LY9: variants seen among roughly 807,000 people sequenced by gnomAD.
LY9 encodes the protein lymphocyte antigen 9.
LY9 carries 59 observed loss-of-function variants against 64.6 expected under a neutral mutation model. The ratio of observed to expected loss-of-function variants is 0.91; its 90% CI spans 0.74 to 1.13. The LOEUF (loss-of-function observed/expected upper bound fraction) is 1.13. LY9 is among the 50% of genes most tolerant of loss of function. LY9 has a pLI of 0.00. For missense variants in LY9, 789 were observed against 797.2 expected (o/e 0.99, Z 0.12); for synonymous variants, 281 against 308.5 (o/e 0.91, Z 0.93).
chr1:160,798,339 CT>C (rs1666099682), intron 1 of LY9, among the ~76,000 whole-genome samples: 1 of 152,290 alleles, frequency 6.6e-6, no homozygotes, highest in South Asian at 2.1e-4. Flanking sequence ...CTGATCAACC[CT>C]GTAATCTCAG....
intron 4 of LY9, chr1:160,815,213 G>A (rs1016048639): frequency 2.7e-4 from 43 of 161,130 alleles, no homozygotes; most frequent in African/African-American, 7.2e-4. Context: ...GGTGGTGGGC[G>A]CCTGTAATCC....
Position 160,823,644 on chromosome 1 carries a change from T to C in LY9, c.1678T>C (p.Tyr560His), listed in dbSNP as rs1425160040. Residue 560 changes from tyrosine to histidine, a missense_variant, in exon 8 of 10, where the codon TAT (tyrosine) becomes CAT (histidine). Transcript: ENST00000263285. The part of the protein sequence containing the change: ...PEVHKPISGR[Y>H]EVFDQVTQEG... ...GGTGCACAAGCCCATCAGTGGAAGA[T>C]ATGAGGTATTTGACCAGGTCACTCA... The C allele has an allele frequency of 6.2e-7, 1 of 1,614,034 alleles. No homozygotes were observed. The highest frequency in any genetic ancestry group is 8.5e-7 in the Non-Finnish European group (1 of 1,179,988).
intron 8 of LY9, 111 bp from the exon 9 acceptor site, chr1:160,824,070 C>A: frequency 7.3e-7 from 1 of 1,365,986 alleles, no homozygotes; most frequent in Non-Finnish European, 1.0e-6. Flanking sequence ...AGCTCCCACC[C>A]TGTGTGTGAG....
chr1:160,802,064 T>C (rs1666545329), intron 2 of LY9: 2 of 1,397,628 alleles, frequency 1.4e-6, no homozygotes, highest in Non-Finnish European at 1.9e-6. Flanking sequence ...GTTAGGCGTG[T>C]CCCACCCACC....
intron 1 of LY9, among the ~76,000 whole-genome samples, chr1:160,798,000 A>G (rs573556167): frequency 6.6e-6 from 1 of 152,238 alleles, no homozygotes; most frequent in East Asian, 1.9e-4. Flanking sequence ...CAGTTTTGCA[A>G]TCTTTGAATG....
chr1:160,808,338 A>G (rs996984523), intron 2 of LY9, among the ~76,000 whole-genome samples: 1 of 152,116 alleles, frequency 6.6e-6, no homozygotes. Context: ...CCTCAGACCC[A>G]GCACTGTTGG....
Position 160,823,737 on chromosome 1 carries a change from A to G in LY9, c.1771A>G (p.Thr591Ala). ...CTATGATCCCGTCACTCCATATGTC[A>G]CGGAAGTTGAGTCTGTGGTTGGAGA... ...ADYDPVTPYVTEVESVVGENT... is the reference protein window; with the variant it reads ...ADYDPVTPYVAEVESVVGENT... The change falls in exon 8 of 10, where the codon ACG becomes GCG. Residue 591 changes from threonine to alanine, a missense_variant. Thr to Ala is a moderately conservative substitution (Grantham distance 58). Transcript: ENST00000263285. The G allele has an allele frequency of 1.2e-6, 2 of 1,613,868 alleles. No homozygotes were observed. Among genetic ancestry groups the G allele is most frequent in the Non-Finnish European group, 1.7e-6 (2 of 1,179,746 alleles).
Position 160,801,998 on chromosome 1 carries a change from C to T in LY9, c.454+1916C>T, listed in dbSNP as rs548199996. 3.2e-6 allele frequency: 5 copies of T among 1,549,752 alleles called. No individual in the cohort carries two copies. In the Admixed American group the frequency reaches 7.6e-5, roughly 24 times the overall value. On this transcript the variant is annotated intron_variant, in intron 2 of 9. Coordinates refer to ENST00000263285, the MANE Select transcript of LY9 (RefSeq NM_002348.4). ...CGCAGCAGAGCTGGAAGGGTCCTGC[C>T]GATGGGACCCTGCCAGGCCCAGTGC... is the stretch of plus-strand genomic sequence containing the variant.
At position 160,823,835 on chromosome 1, in the gene LY9, A is replaced by G. The variant is rs375962032; in HGVS notation, c.1830+39A>G. ...ATCAATACACCTTCCTCCTCCTCCCATGTCTAGCGGCATCTGAGATCCTGG... is the reference window on the plus strand; with the variant it reads ...ATCAATACACCTTCCTCCTCCTCCCGTGTCTAGCGGCATCTGAGATCCTGG... On this transcript the variant is annotated intron_variant, in intron 8 of 9. Transcript: ENST00000263285. The G allele has an allele frequency of 2.7e-6, 4 of 1,482,274 alleles. No individual in the cohort carries two copies. In the Admixed American group the frequency reaches 5.1e-5, roughly 19 times the overall value. The allele number at this position is 1,482,274 out of a possible 1,614,324, so 91.8% of individuals were successfully genotyped here.
Position 160,813,556 on chromosome 1 carries a change from T to C in LY9, c.455-80T>C, listed in dbSNP as rs1667692978. The C allele has an allele frequency of 4.2e-6, 6 of 1,442,292 alleles. No individual in the cohort carries two copies. In the Admixed American group the frequency reaches 1.2e-4, roughly 28 times the overall value. 89.3% of individuals were successfully genotyped at this position (1,442,292 alleles called of 1,614,324 possible). A position where few individuals can be genotyped will look rare whatever the true frequency, so the allele number is the denominator to read the frequency against. ...CTCTCTCTGCTGCCCCCAACTCCCC[T>C]ATTGTCACTCCCTTCTTCTCTCAGC... On this transcript the variant is annotated intron_variant, in intron 2 of 9. Transcript: ENST00000263285.
intron 9 of LY9, among the ~76,000 whole-genome samples, chr1:160,826,591 G>T (rs1480665649): frequency 6.6e-6 from 1 of 152,218 alleles, no homozygotes; most frequent in Non-Finnish European, 1.5e-5. Context: ...TGTATGCACA[G>T]TTCCTAAGGG....
At chr1:160,798,469 A>G (rs1666112010) in intron 1 of LY9, among the ~76,000 whole-genome samples, 1 of 152,226 alleles carries the variant, frequency 6.6e-6, no homozygotes, top group South Asian at 2.1e-4. Flanking sequence ...ACACATAGCA[A>G]TCGTAAGCAG....
chr1:160,807,519 G>A (rs1366540003), intron 2 of LY9, among the ~76,000 whole-genome samples: 4 of 152,140 alleles, frequency 2.6e-5, no homozygotes, highest in Non-Finnish European at 5.9e-5. Context: ...TTATCAGCAG[G>A]TCGATTTTTA....
chr1:160,819,227 A>T, intron 6 of LY9, 94 bp from the exon 7 acceptor site: 1 of 940,192 alleles, frequency 1.1e-6, no homozygotes, highest in Non-Finnish European at 1.7e-6. Flanking sequence ...TATGTCCCAG[A>T]AGTCTCTCCC....
At chr1:160,824,461 T>C (rs1436469226) in intron 9 of LY9, 1 of 984,996 alleles carries the variant, frequency 1.0e-6, no homozygotes, top group African/African-American at 1.7e-5. Flanking sequence ...TCTAATTGAT[T>C]TAATAATATC....
chr1:160,813,929 G>A lies in LY9; in HGVS notation c.730+18G>A. 6.2e-7 allele frequency: 1 copy of A among 1,603,324 alleles called. No individual in the cohort carries two copies. The highest frequency in any genetic ancestry group is 8.5e-7 in the Non-Finnish European group (1 of 1,174,784). On this transcript the variant is annotated intron_variant, in intron 3 of 9. Coordinates refer to ENST00000263285, the MANE Select transcript of LY9 (RefSeq NM_002348.4). The stretch of plus-strand genomic sequence containing the variant: ...CTGTACAGGTAACTGGCTCCAACTT[G>A]GCCCTTGAGGGAATTCCAGAAACAA...
chr1:160,806,509 A>G (rs1042174547), intron 2 of LY9, among the ~76,000 whole-genome samples: 3 of 152,078 alleles, frequency 2.0e-5, no homozygotes, highest in Admixed American at 6.5e-5. Flanking sequence ...ATGAAGAATA[A>G]TTTTCCCAGA....
chr1:160,820,668 G>A (rs1398830798), intron 7 of LY9, among the ~76,000 whole-genome samples: 1 of 151,936 alleles, frequency 6.6e-6, no homozygotes, highest in Non-Finnish European at 1.5e-5. Context: ...CCTTCCTTGG[G>A]CAGAGGGTAA....
rs766409859 is a variant in LY9 at position 160,819,280 on chromosome 1, C to A, written c.1445-41C>A. ...ACAGAATAAAAGACACCTCTCACCT[C>A]ACAGCCCTCTTGATAAACCTTCTCT... On this transcript the variant is annotated intron_variant, in intron 6 of 9. Transcript: ENST00000263285. 7 of 1,532,362 alleles carry A rather than the reference C, an allele frequency of 4.6e-6. No homozygotes were observed. In the African/African-American group the frequency reaches 8.2e-5, roughly 18 times the overall value. The allele number at this position is 1,532,362 out of a possible 1,614,324, so 94.9% of individuals were successfully genotyped here.
Sources: allele counts gnomAD v4.1 joint callset (sites outside exome capture counted in the v4.1 genomes callset), GRCh38; gene constraint gnomAD v4.1.1; transcripts MANE v1.5; gene names NCBI Gene and HGNC (gene_info 2026-07-23, HGNC 2026-07-21).